The following B3GALNT2 variants were observed in gnomAD, a reference collection of about 807,000 sequenced individuals.
The protein encoded by B3GALNT2 is beta-1,3-N-acetylgalactosaminyltransferase 2.
In B3GALNT2, 53 loss-of-function variants were observed where a neutral mutation model predicts 61.1. The ratio of observed to expected loss-of-function variants is 0.87; its 90% CI spans 0.70 to 1.09. The LOEUF (loss-of-function observed/expected upper bound fraction) is 1.09. Among genes scored for constraint, B3GALNT2 ranks in the 50% least tolerant of loss-of-function variants. The pLI is 0.00. For synonymous variants in B3GALNT2, 223 were observed against 237.4 expected, an observed-to-expected ratio of 0.94 and a Z score of 0.56; for missense variants, 544 against 623.0, an observed-to-expected ratio of 0.87 and a Z score of 1.35.
intron 7 of B3GALNT2, chr1:235,464,552 G>C (rs1423412274): frequency 2.0e-5 from 3 of 149,884 alleles, no homozygotes; most frequent in African/African-American, 4.9e-5. Context: ...CCTGTTAACA[G>C]TGTGCAGCCT....
At chr1:235,456,156 T>A (rs542721006) in intron 8 of B3GALNT2, among the ~76,000 whole-genome samples, 1 of 152,250 alleles carries the variant, frequency 6.6e-6, no homozygotes, top group East Asian at 1.9e-4. Context: ...CAAAATATTT[T>A]ATGGCTTAAA....
intron 7 of B3GALNT2, among the ~76,000 whole-genome samples, chr1:235,460,616 C>T (rs1305530246): frequency 3.3e-5 from 5 of 151,354 alleles, no homozygotes; most frequent in Middle Eastern, 3.4e-3. Context: ...TTCTATCACC[C>T]GGGCTAGAAT....
downstream of B3GALNT2, among the ~76,000 whole-genome samples, chr1:235,446,244 C>T (rs763416966): frequency 2.0e-5 from 3 of 152,114 alleles, no homozygotes; most frequent in Admixed American, 6.5e-5. Context: ...GGCATGATCT[C>T]GGCTCACTGC....
At chr1:235,476,088 G>A (rs1684264079) in intron 5 of B3GALNT2, among the ~76,000 whole-genome samples, 1 of 152,150 alleles carries the variant, frequency 6.6e-6, no homozygotes, top group Non-Finnish European at 1.5e-5. Flanking sequence ...AAAAGCACAA[G>A]GCTATAGTCA....
chr1:235,458,502 C>T, intron 8 of B3GALNT2, 101 bp downstream of exon 8: 1 of 1,436,908 alleles, frequency 7.0e-7, no homozygotes, highest in African/African-American at 1.5e-5. Context: ...CTAGGAAACC[C>T]CTAGTAAGGG....
Position 235,453,136 on chromosome 1 carries a change from A to C in B3GALNT2, c.1322T>G (p.Val441Gly). ...GRLKTYQGED[V>G]SMGIWMAAIG... is the part of the protein sequence containing the mutation. The stretch of plus-strand genomic sequence containing the variant: ...GGCAGCCATCCAGATGCCCATGCTT[A>C]CATCTTCACCCTATACATGGCCCAT... The change falls in exon 11 of 12, where the codon GTA becomes GGA. Residue 441 changes from valine (V) to glycine (G), a missense_variant. Val to Gly is a moderately radical substitution (Grantham distance 109). Transcript: ENST00000366600. 6.2e-7 allele frequency: 1 copy of C among 1,612,460 alleles called. No individual in the cohort carries two copies. The highest frequency in any genetic ancestry group is 8.5e-7 in the Non-Finnish European group (1 of 1,178,470).
chr1:235,498,506 A>G (rs918329346), intron 1 of B3GALNT2, among the ~76,000 whole-genome samples: 1 of 152,150 alleles, frequency 6.6e-6, no homozygotes, highest in African/African-American at 2.4e-5. Flanking sequence ...TAACTAAATG[A>G]TGGTACTTCA....
the B3GALNT2 span, among the ~76,000 whole-genome samples, chr1:235,439,937 G>A: frequency 6.6e-6 from 1 of 152,056 alleles, no homozygotes; most frequent in East Asian, 1.9e-4. Flanking sequence ...GAGTAGCTGG[G>A]ACTACAGGCG....
Position 235,484,423 on chromosome 1 carries a change from G to C in B3GALNT2, c.454C>G (p.Leu152Val), listed in dbSNP as rs746138892. 4 of 1,614,206 alleles carry C rather than the reference G, an allele frequency of 2.5e-6. No individual in the cohort carries two copies. The highest frequency in any genetic ancestry group is 3.3e-5 in the Admixed American group (2 of 60,018). The change falls in exon 4 of 12, where the codon CTC (leucine) becomes GTC (valine). Residue 152 changes from leucine to valine, a missense_variant. By Grantham distance (32) the Leu-to-Val change is conservative. Transcript: ENST00000366600. ...AGACTGGTAATAACGATGGGGTAGAGAACTCGGAAACTCACGCTGACAACT... is the reference window on the plus strand; with the variant it reads ...AGACTGGTAATAACGATGGGGTAGACAACTCGGAAACTCACGCTGACAACT... Reference protein sequence around the residue: ...DRVVSVSFRVLYPIVITSLGV... With the variant: ...DRVVSVSFRVVYPIVITSLGV...
At chr1:235,498,340 T>TA (rs1685423634) in intron 1 of B3GALNT2, among the ~76,000 whole-genome samples, 3 of 152,176 alleles carry the variant, frequency 2.0e-5, no homozygotes, top group African/African-American at 7.2e-5. Context: ...GTAAACATGA[T>TA]ACAGAAGGAC....
At chr1:235,470,459 G>C (rs552799311) in intron 6 of B3GALNT2, among the ~76,000 whole-genome samples, 1 of 151,618 alleles carries the variant, frequency 6.6e-6, no homozygotes, top group South Asian at 2.1e-4. Context: ...GGGTGTAGTG[G>C]TGCGCACCTG....
At chr1:235,466,576 A>T (rs1683707660) in intron 6 of B3GALNT2, among the ~76,000 whole-genome samples, 1 of 152,078 alleles carries the variant, frequency 6.6e-6, no homozygotes, top group African/African-American at 2.4e-5. Context: ...GCTGGTCTTG[A>T]ACTCCTGGGC....
At position 235,448,242 on chromosome 1, in the gene B3GALNT2, A is replaced by C; in HGVS notation, c.*1964T>G. The C allele has an allele frequency of 1.3e-6, 1 of 794,714 alleles. No individual in the cohort carries two copies. The highest frequency in any genetic ancestry group is 1.5e-5 in the South Asian group (1 of 65,948). The allele number at this position is 794,714 out of a possible 1,614,324, so 49.2% of individuals were successfully genotyped here. ...TCTCAAAAAAAAAAAAAAAAAAAAG[A>C]CAGATACAGCTATCATTGCAATGAT... On this transcript the variant is annotated 3_prime_UTR_variant, in exon 12 of 12. Transcript: ENST00000366600.
At chr1:235,495,939 A>T (rs1324360684) in intron 1 of B3GALNT2, among the ~76,000 whole-genome samples, 1 of 152,260 alleles carries the variant, frequency 6.6e-6, no homozygotes, top group African/African-American at 2.4e-5. Context: ...AGATCTTTCT[A>T]CTAGGATAGT....
intron 1 of B3GALNT2, chr1:235,496,337 A>G: frequency 9.7e-7 from 1 of 1,035,530 alleles, no homozygotes; most frequent in Non-Finnish European, 1.2e-6. Flanking sequence ...TTCCATTCCA[A>G]ATGGAATAGA....
At chr1:235,490,370 A>C (rs1290438205) in intron 2 of B3GALNT2, among the ~76,000 whole-genome samples, 2 of 152,092 alleles carry the variant, frequency 1.3e-5, no homozygotes, top group Non-Finnish European at 2.9e-5. Flanking sequence ...GGCTGGGATT[A>C]CAGGCGTGTG....
At chr1:235,490,040 C>G (rs1298519419) in intron 2 of B3GALNT2, among the ~76,000 whole-genome samples, 1 of 152,174 alleles carries the variant, frequency 6.6e-6, no homozygotes, top group Non-Finnish European at 1.5e-5. Context: ...TCCCTTCCTT[C>G]TGTGGCCTGC....
In B3GALNT2 at chr1:235,448,872, C is replaced by A; in HGVS notation, c.*1334G>T. 1.2e-6 allele frequency: 1 copy of A among 845,542 alleles called. No individual in the cohort carries two copies. Among genetic ancestry groups the A allele is most frequent in the Non-Finnish European group, 2.0e-6 (1 of 510,960 alleles). The allele number at this position is 845,542 out of a possible 1,614,324, so 52.4% of individuals were successfully genotyped here. ...CTGTCAAAACAAAGGGGGTTTACAA[C>A]TTGTCCTAAGTATAACAAGGGATGT... On this transcript the variant is annotated 3_prime_UTR_variant, in exon 12 of 12. Coordinates refer to ENST00000366600, the MANE Select transcript of B3GALNT2 (RefSeq NM_152490.5).
At chr1:235,442,711 A>G, downstream of B3GALNT2, 1 of 743,394 alleles carries the variant, frequency 1.3e-6, no homozygotes, top group South Asian at 1.7e-5. Flanking sequence ...AAGGATTAAT[A>G]GAAAGAATTT....
Sources: gnomAD v4.1 joint callset for allele counts (sites outside exome capture counted in the v4.1 genomes callset) on GRCh38, gnomAD v4.1.1 for gene constraint, MANE v1.5 for transcripts, NCBI Gene and HGNC (gene_info 2026-07-23, HGNC 2026-07-21) for gene names.